The following SLC48A1 variants were observed in gnomAD, a reference collection of about 807,000 sequenced individuals.
The protein encoded by SLC48A1 is solute carrier family 48 member 1, also known as heme transporter HRG1.
SLC48A1 carries 6 observed loss-of-function variants against 14.8 expected under a neutral mutation model. That is an observed-to-expected ratio of 0.41 (90% CI 0.22 to 0.80). SLC48A1 has a LOEUF of 0.80. Ranked by LOEUF, SLC48A1 falls within the 30% of genes least tolerant of loss-of-function variation. SLC48A1 has a pLI of 0.34. For synonymous variants in SLC48A1, 89 were observed against 90.0 expected (o/e 0.99, Z 0.06); for missense variants, 165 against 204.8 (o/e 0.81, Z 1.19).
In SLC48A1 at chr12:47,782,160, C is replaced by CT. The variant is rs1345714798; in HGVS notation, c.*1880dup. On this transcript the variant is annotated 3_prime_UTR_variant, in exon 3 of 3. Coordinates refer to ENST00000442218, the MANE Select transcript of SLC48A1 (RefSeq NM_017842.3). The stretch of plus-strand genomic sequence containing the variant: ...GGTGCTGCCAGCCTGGCGCCTTCCT[C>CT]TCTGCTTAGGCTGGGTGAGCTTGTC... 2.6e-5 allele frequency: 4 copies of CT among 152,538 alleles called. No individual in the cohort carries two copies. The highest frequency in any genetic ancestry group is 9.6e-5 in the African/African-American group (4 of 41,590). 9.4% of individuals were successfully genotyped at this position (152,538 alleles called of 1,614,324 possible).
In SLC48A1 at chr12:47,780,106, G is replaced by C. The variant is rs1229109812; in HGVS notation, c.305-39G>C. The C allele has an allele frequency of 2.7e-6, 4 of 1,506,078 alleles. No homozygotes were observed. In the East Asian group the frequency reaches 9.6e-5, roughly 36 times the overall value. 93.3% of individuals were successfully genotyped at this position (1,506,078 alleles called of 1,614,324 possible). A position where few individuals can be genotyped will look rare whatever the true frequency, so the allele number is the denominator to read the frequency against. ...TGGCCGGTGCAGAGGCCGAGGGCAG[G>C]GCCTGCCAAAGTCACTGTCGGTACT... On this transcript the variant is annotated intron_variant, in intron 2 of 2. Transcript: ENST00000442218.
At chr12:47,767,286 C>T (rs1942536775), upstream of SLC48A1, among the ~76,000 whole-genome samples, 1 of 152,166 alleles carries the variant, frequency 6.6e-6, no homozygotes, top group South Asian at 2.1e-4. Context: ...CCAGTCCAAC[C>T]TGCAAAGCTG....
upstream of SLC48A1, among the ~76,000 whole-genome samples, chr12:47,767,673 A>C (rs1026482992): frequency 2.6e-5 from 4 of 152,228 alleles, no homozygotes; most frequent in Non-Finnish European, 5.9e-5. Flanking sequence ...GAGGAAATAA[A>C]ACAGAGCGAG....
upstream of SLC48A1, among the ~76,000 whole-genome samples, chr12:47,770,611 C>T (rs1942608986): frequency 6.6e-6 from 1 of 152,224 alleles, no homozygotes; most frequent in African/African-American, 2.4e-5. Context: ...GTAATTAAAG[C>T]ACTGTGGGGT....
upstream of SLC48A1, among the ~76,000 whole-genome samples, chr12:47,755,046 G>C (rs1192956813): frequency 6.6e-6 from 1 of 152,208 alleles, no homozygotes; most frequent in Non-Finnish European, 1.5e-5. Flanking sequence ...GGCTGCTTGT[G>C]GTGGGACAGG....
rs1377016939 is a variant in SLC48A1, at chr12:47,773,448, G to A, written c.136+8G>A. On this transcript the variant is annotated splice_region_variant and intron_variant, in intron 1 of 2. Transcript: ENST00000442218. ...CCATGGGAGGGCTCGCAGGTACCCC[G>A]GGACGCTGGGCGGCGCGGGGCGGGT... is the stretch of plus-strand genomic sequence containing the variant. The A allele has an allele frequency of 7.3e-7, 1 of 1,364,124 alleles. No individual in the cohort carries two copies. Among genetic ancestry groups the A allele is most frequent in the Non-Finnish European group, 9.5e-7 (1 of 1,050,238 alleles). 84.5% of individuals were successfully genotyped at this position (1,364,124 alleles called of 1,614,324 possible). A position where few individuals can be genotyped will look rare whatever the true frequency, so the allele number is the denominator to read the frequency against.
At chr12:47,778,393 A>G (rs1166053499) in intron 1 of SLC48A1, 1 of 151,978 alleles carries the variant, frequency 6.6e-6, no homozygotes, top group Non-Finnish European at 1.5e-5. Flanking sequence ...TCATGGCTGG[A>G]CCTCCTCATC....
chr12:47,771,826 G>T (rs577220640), upstream of SLC48A1, among the ~76,000 whole-genome samples: 1 of 152,000 alleles, frequency 6.6e-6, no homozygotes, highest in Non-Finnish European at 1.5e-5. Context: ...CCAACTTCTC[G>T]GGAGGCTGAT....
At chr12:47,759,819 CT>C (rs1942319944) in intron 1 of SLC48A1, among the ~76,000 whole-genome samples, 1 of 152,208 alleles carries the variant, frequency 6.6e-6, no homozygotes, top group African/African-American at 2.4e-5. Context: ...CTTTTTAGGA[CT>C]TTTTGCCCCT....
intron 2 of SLC48A1, among the ~76,000 whole-genome samples, chr12:47,763,065 C>T (rs1034121508): frequency 5.3e-5 from 8 of 152,156 alleles, no homozygotes; most frequent in African/African-American, 1.2e-4. Context: ...TTAATGATTA[C>T]GGGTGGAAAT....
upstream of SLC48A1, chr12:47,773,138 C>T: frequency 1.0e-6 from 1 of 956,834 alleles, no homozygotes; most frequent in Non-Finnish European, 1.2e-6. Context: ...CGCGGGCGGC[C>T]TCCGGCCGGG....
In SLC48A1 at chr12:47,777,937, CTGAG is replaced by C. The variant is rs1010124578; in HGVS notation, c.137-1088_137-1085del. Among the ~76,000 whole-genome samples, 1 of 152,206 alleles carries C rather than the reference CTGAG, an allele frequency of 6.6e-6. No homozygotes were observed. Among genetic ancestry groups the C allele is most frequent in the African/African-American group, 2.4e-5 (1 of 41,442 alleles). On this transcript the variant is annotated intron_variant, in intron 1 of 2. Transcript: ENST00000442218. The surrounding 1 kb of genome is among the most constrained non-coding windows in gnomAD (Gnocchi z 4.5). ...TTCCTGTGCACATTTGGTAACTACT[CTGAG>C]TGGCATGTGTGCAGCTGCCTTTTGG...
upstream of SLC48A1, chr12:47,772,029 T>C (rs1338264333): frequency 6.5e-6 from 1 of 154,518 alleles, no homozygotes; most frequent in African/African-American, 2.4e-5. Flanking sequence ...AGTGAGACCA[T>C]TATTTGGATT....
At chr12:47,765,009 G>A (rs1253031748) in intron 2 of SLC48A1, among the ~76,000 whole-genome samples, 3 of 145,026 alleles carry the variant, frequency 2.1e-5, no homozygotes, top group Non-Finnish European at 4.5e-5. Context: ...CCTGGAAGGC[G>A]GAGGTTGCAG....
At chr12:47,757,661 CACACACACAG>C (rs748304717), upstream of SLC48A1, among the ~76,000 whole-genome samples, 2 of 152,148 alleles carry the variant, frequency 1.3e-5, no homozygotes, top group Non-Finnish European at 1.5e-5. Context: ...TTGGGCAGAA[CACACACACAG>C]ACACACACAC....
At position 47,779,439 on chromosome 12, in the gene SLC48A1, T is replaced by C. The variant is rs77323760; in HGVS notation, c.304+244T>C. On this transcript the variant is annotated intron_variant, in intron 2 of 2. Transcript: ENST00000442218. Reference sequence around the variant, plus strand: ...ATAGCCCATACAAGCACTCCTGATATTGGGACCCATTAGTCTGTGCTCAGC... The same window carrying C: ...ATAGCCCATACAAGCACTCCTGATACTGGGACCCATTAGTCTGTGCTCAGC... Among the ~76,000 whole-genome samples the C allele has an allele frequency of 4.9e-3, 748 of 152,294 alleles. 4 individuals carry two copies. The highest frequency in any genetic ancestry group is 0.017 in the African/African-American group (712 of 41,556).
At chr12:47,764,483 G>A (rs1942466053) in intron 2 of SLC48A1, among the ~76,000 whole-genome samples, 1 of 152,200 alleles carries the variant, frequency 6.6e-6, no homozygotes, top group South Asian at 2.1e-4. Context: ...CTTGGTAGGG[G>A]CGACTGCAGG....
rs540448701 is a variant in SLC48A1 at position 47,760,874 on chromosome 12, C to G, written c.-187+473C>G. 2.7e-3 allele frequency among the ~76,000 whole-genome samples: 416 copies of G among 152,284 alleles called. 1 individual carries two copies. Among genetic ancestry groups the G allele is most frequent in the Non-Finnish European group, 4.9e-3 (335 of 68,036 alleles). On this transcript the variant is annotated intron_variant, in intron 2 of 4. Coordinates refer to the SLC48A1 transcript ENST00000547002. Reference sequence around the variant, plus strand: ...ATGTATTCTATTCTTCTAATGTAGACTAGACTGCCTAGGAGAGTCTACTCA... The same window carrying G: ...ATGTATTCTATTCTTCTAATGTAGAGTAGACTGCCTAGGAGAGTCTACTCA...
upstream of SLC48A1, chr12:47,757,762 C>A (rs1257513636): frequency 3.7e-5 from 42 of 1,139,770 alleles, no homozygotes; most frequent in Non-Finnish European, 5.1e-5. Flanking sequence ...CCACTGTACA[C>A]CCCCAGAGCA....
Sources: gnomAD v4.1 joint callset for allele counts (sites outside exome capture counted in the v4.1 genomes callset) on GRCh38, gnomAD v4.1.1 for gene constraint, Gnocchi (gnomAD v3.1) non-coding constraint, MANE v1.5 for transcripts, NCBI Gene and HGNC (gene_info 2026-07-23, HGNC 2026-07-21) for gene names.